LPXN: variants seen among roughly 807,000 people sequenced by gnomAD.
LPXN encodes leupaxin.
A neutral mutation model predicts 45.6 loss-of-function variants in LPXN; 28 were observed. That is an observed-to-expected ratio of 0.61 (90% CI 0.45 to 0.84). The LOEUF is 0.84. Among genes scored for constraint, LPXN ranks in the 40% least tolerant of loss-of-function variants. The pLI is 0.00. For missense variants in LPXN, 459 were observed against 475.0 expected, an observed-to-expected ratio of 0.97 and a Z score of 0.31; for synonymous variants, 166 against 169.9, an observed-to-expected ratio of 0.98 and a Z score of 0.18.
At chr11:58,564,048 A>C in intron 3 of LPXN, 107 bp downstream of exon 3, 1 of 687,958 alleles carries the variant, frequency 1.5e-6, no homozygotes, top group Non-Finnish European at 2.5e-6. Flanking sequence ...ATGATATACG[A>C]GTTCTAATAA....
intron 7 of LPXN, among the ~76,000 whole-genome samples, chr11:58,536,408 A>AAAGGATTCCCTAT (rs1401859981): frequency 9.2e-5 from 14 of 152,230 alleles, no homozygotes; most frequent in Non-Finnish European, 1.8e-4. Context: ...AGCAACAGGG[A>AAAGGATTCCCTAT]AAGGATTCCC....
At chr11:58,532,417 G>C (rs1032053187) in intron 7 of LPXN, among the ~76,000 whole-genome samples, 2 of 152,252 alleles carry the variant, frequency 1.3e-5, no homozygotes, top group African/African-American at 4.8e-5. Flanking sequence ...GAGTCAGGTG[G>C]GGACTTGGAT....
At chr11:58,578,138 C>G (rs1156999179), upstream of LPXN, 2 of 1,472,774 alleles carry the variant, frequency 1.4e-6, no homozygotes, top group East Asian at 5.1e-5. Flanking sequence ...AAAGGTACGC[C>G]AACGCCCAGA....
Position 58,527,541 on chromosome 11 carries a change from G to T in LPXN, c.1074C>A (p.Cys358Ter), listed in dbSNP as rs773321853. The T allele has an allele frequency of 1.9e-6, 3 of 1,614,142 alleles. No homozygotes were observed. The highest frequency in any genetic ancestry group is 2.5e-6 in the Non-Finnish European group (3 of 1,180,018). Residue 358 changes from cysteine to a stop codon, truncating the protein, a stop_gained, in exon 9 of 9, where the codon TGC becomes TGA. Coordinates refer to ENST00000395074, the MANE Select transcript of LPXN (RefSeq NM_004811.3). LOFTEE classifies it high-confidence loss of function. The part of the protein sequence containing the change: ...FHPEHFVCAF[C>*]LTQLSKGIFR... The stretch of plus-strand genomic sequence containing the variant: ...AAATGCCCTTCGACAACTGTGTCAG[G>T]CAGAAAGCACACACAAAGTGCTCAG...
chr11:58,551,635 G>T (rs1016063957), intron 4 of LPXN, among the ~76,000 whole-genome samples: 2 of 152,140 alleles, frequency 1.3e-5, no homozygotes, highest in African/African-American at 2.4e-5. Flanking sequence ...TTAAAGCAAA[G>T]ATAAGACAGA....
intron 2 of LPXN, among the ~76,000 whole-genome samples, chr11:58,567,465 T>C (rs1033296098): frequency 1.3e-5 from 2 of 152,202 alleles, no homozygotes; most frequent in African/African-American, 4.8e-5. Context: ...CAAAGGAAAA[T>C]CACTCATTAA....
At chr11:58,529,078 ATTAATGATGTATTCCTCT>A (rs1391614519) in intron 7 of LPXN, among the ~76,000 whole-genome samples, 2 of 152,282 alleles carry the variant, frequency 1.3e-5, no homozygotes, top group Admixed American at 1.3e-4. Flanking sequence ...ATATCTTGTC[ATTAATGATGTATTCCTCT>A]TTAATCTGGA....
At chr11:58,538,118 C>T (rs1249454893) in intron 7 of LPXN, among the ~76,000 whole-genome samples, 1 of 152,104 alleles carries the variant, frequency 6.6e-6, no homozygotes, top group Admixed American at 6.5e-5. Flanking sequence ...TTTTTTATGG[C>T]TGCACAGTAT....
chr11:58,554,436 A>C (rs1346030420), intron 4 of LPXN, among the ~76,000 whole-genome samples: 2 of 152,146 alleles, frequency 1.3e-5, no homozygotes, highest in African/African-American at 4.8e-5. Flanking sequence ...TTTATGTCCA[A>C]ACTCTGCCAG....
chr11:58,533,027 A>G (rs936233919), intron 7 of LPXN, among the ~76,000 whole-genome samples: 1 of 151,426 alleles, frequency 6.6e-6, no homozygotes, highest in Non-Finnish European at 1.5e-5. Context: ...CACCGCCTTA[A>G]GAGCTGTAAC....
intron 3 of LPXN, among the ~76,000 whole-genome samples, chr11:58,555,618 G>A (rs912224731): frequency 2.6e-5 from 4 of 152,032 alleles, no homozygotes; most frequent in Non-Finnish European, 5.9e-5. Flanking sequence ...AGATTGGAGT[G>A]AATAGAAGTA....
chr11:58,578,424 G>A (rs1854981573), upstream of LPXN, among the ~76,000 whole-genome samples: 1 of 152,216 alleles, frequency 6.6e-6, no homozygotes, highest in Non-Finnish European at 1.5e-5. Context: ...TTAAGTTAAC[G>A]GTGCGCATGC....
At chr11:58,571,226 G>C (rs1854686323) in intron 1 of LPXN, among the ~76,000 whole-genome samples, 1 of 152,074 alleles carries the variant, frequency 6.6e-6, no homozygotes. Flanking sequence ...TGTGGTCCCA[G>C]CTACTTGGGA....
In LPXN at chr11:58,556,636, A is replaced by C. The variant is rs1854212065; in HGVS notation, c.219-1696T>G. The stretch of plus-strand genomic sequence containing the variant: ...GAAAATGTAAGATAAATGACTGAAC[A>C]ACCATTGGAATGAATAAAAAAGATC... On this transcript the variant is annotated intron_variant, in intron 3 of 8. Coordinates refer to ENST00000395074, the MANE Select transcript of LPXN (RefSeq NM_004811.3). Among the ~76,000 whole-genome samples the C allele has an allele frequency of 2.0e-5, 3 of 152,154 alleles. 1 individual carries two copies. In the South Asian group the frequency reaches 6.2e-4, roughly 31 times the overall value.
chr11:58,546,799 T>C (rs767085500), intron 7 of LPXN, among the ~76,000 whole-genome samples: 2 of 152,178 alleles, frequency 1.3e-5, no homozygotes, highest in Non-Finnish European at 2.9e-5. Context: ...ATGTAATATA[T>C]ATCAAATTCC....
chr11:58,534,309 A>G (rs2120205619), intron 7 of LPXN, among the ~76,000 whole-genome samples: 1 of 152,354 alleles, frequency 6.6e-6, no homozygotes. Flanking sequence ...AAGAACAGAA[A>G]TCATAGCAAA....
At chr11:58,567,249 C>T (rs1367862728) in intron 2 of LPXN, among the ~76,000 whole-genome samples, 5 of 152,130 alleles carry the variant, frequency 3.3e-5, no homozygotes, top group Non-Finnish European at 4.4e-5. Flanking sequence ...AACAGTTTAC[C>T]TTCAATGTTG....
In LPXN at chr11:58,554,844, G is replaced by T; in HGVS notation, c.315C>A (p.Ala105=). 1 of 1,611,426 alleles carries T rather than the reference G, an allele frequency of 6.2e-7. No individual in the cohort carries two copies. The highest frequency in any genetic ancestry group is 8.5e-7 in the Non-Finnish European group (1 of 1,178,158). The change falls in exon 4 of 9, where the codon GCC becomes GCA. Residue 105 remains alanine, a synonymous_variant. Transcript: ENST00000395074. The part of the protein sequence containing the change: ...ELMAHLTEMQ[A]KVAVRADAGK... ...ACTCACCTTGGCCTGCACTCACCTT[G>T]GCCTGCATCTCAGTCAGGTGAGCCA...
At chr11:58,550,448 C>T (rs1284155775) in intron 5 of LPXN, among the ~76,000 whole-genome samples, 2 of 152,200 alleles carry the variant, frequency 1.3e-5, no homozygotes, top group African/African-American at 4.8e-5. Context: ...ACATTGATGA[C>T]AGAGAAGTTG....
Sources: gnomAD v4.1 joint callset for allele counts (sites outside exome capture counted in the v4.1 genomes callset) on GRCh38, gnomAD v4.1.1 for gene constraint, MANE v1.5 for transcripts, NCBI Gene and HGNC (gene_info 2026-07-23, HGNC 2026-07-21) for gene names.